PDE10A: variants seen among roughly 807,000 people sequenced by gnomAD.
The protein encoded by PDE10A is cAMP and cAMP-inhibited cGMP 3',5'-cyclic phosphodiesterase 10A.
Under a neutral mutation model 97.7 loss-of-function variants are expected in PDE10A, and 39 were observed. That is an observed-to-expected ratio of 0.40 (90% CI 0.31 to 0.52). The LOEUF is 0.52. Ranked by LOEUF, PDE10A falls within the 20% of genes least tolerant of loss-of-function variation. PDE10A has a pLI of 0.56. For synonymous variants in PDE10A, 371 were observed against 376.8 expected, an observed-to-expected ratio of 0.98 and a Z score of 0.18; for missense variants, 731 against 1,047.8, an observed-to-expected ratio of 0.70 and a Z score of 4.17.
chr6:165,731,680 C>A (rs1017980755), intron 1 of PDE10A, among the ~76,000 whole-genome samples: 9 of 152,142 alleles, frequency 5.9e-5, no homozygotes, highest in Non-Finnish European at 1.2e-4. Flanking sequence ...GGGAGACATT[C>A]CATAGGGTTG....
intron 17 of PDE10A, among the ~76,000 whole-genome samples, chr6:165,380,296 T>C (rs768580098): frequency 6.6e-6 from 1 of 152,168 alleles, no homozygotes; most frequent in Non-Finnish European, 1.5e-5. Context: ...TTCACTTTTC[T>C]TAATATACAT....
chr6:165,355,304 C>A lies in PDE10A; in HGVS notation c.2784-11802G>T, dbSNP rs181915610. ...ATATATGCAGTCTGTAATGACCACA[C>A]CAATGATGACAAGTAATGTTTTTAT... On this transcript the variant is annotated intron_variant, in intron 18 of 21. Transcript: ENST00000539869. Among the ~76,000 whole-genome samples the A allele has an allele frequency of 2.6e-5, 4 of 152,208 alleles. No homozygotes were observed. In the East Asian group the frequency reaches 7.7e-4, roughly 29 times the overall value.
intron 2 of PDE10A, among the ~76,000 whole-genome samples, chr6:165,493,924 T>C (rs187901369): frequency 5.3e-5 from 8 of 151,314 alleles, no homozygotes; most frequent in Non-Finnish European, 1.0e-4. Context: ...TCTATATATC[T>C]GAGAAAGGAC....
chr6:165,552,503 A>C (rs1387159501), intron 1 of PDE10A, among the ~76,000 whole-genome samples: 1 of 152,208 alleles, frequency 6.6e-6, no homozygotes, highest in Non-Finnish European at 1.5e-5. Flanking sequence ...AAAAGTTTAG[A>C]ACATGCCAGG....
At chr6:165,878,756 G>T (rs1252950631) in intron 1 of PDE10A, among the ~76,000 whole-genome samples, 1 of 152,154 alleles carries the variant, frequency 6.6e-6, no homozygotes, top group East Asian at 1.9e-4. Context: ...CTTATAAGAA[G>T]GGTCACATCG....
intron 1 of PDE10A, among the ~76,000 whole-genome samples, chr6:165,600,831 T>C (rs1208382739): frequency 1.3e-5 from 2 of 151,688 alleles, no homozygotes; most frequent in African/African-American, 4.9e-5. Flanking sequence ...GACATGATTG[T>C]ATCAAGTCAG....
At chr6:165,400,031 G>C (rs1003094959) in intron 13 of PDE10A, among the ~76,000 whole-genome samples, 2 of 152,244 alleles carry the variant, frequency 1.3e-5, no homozygotes, top group African/African-American at 4.8e-5. Context: ...CCACACAGAC[G>C]GTCAGCTGAT....
intron 1 of PDE10A, among the ~76,000 whole-genome samples, chr6:165,843,545 T>G (rs1780319864): frequency 1.3e-5 from 2 of 152,226 alleles, no homozygotes; most frequent in African/African-American, 2.4e-5. Flanking sequence ...TGAGGCCTGC[T>G]GGCTGCGTCC....
At chr6:165,379,989 A>G (rs1300942919) in intron 17 of PDE10A, among the ~76,000 whole-genome samples, 1 of 152,198 alleles carries the variant, frequency 6.6e-6, no homozygotes, top group Admixed American at 6.5e-5. Flanking sequence ...ACCATCTTCT[A>G]TTCCCAAGGG....
At chr6:165,911,648 G>A (rs1782457310) in intron 1 of PDE10A, among the ~76,000 whole-genome samples, 1 of 152,174 alleles carries the variant, frequency 6.6e-6, no homozygotes, top group Non-Finnish European at 1.5e-5. Context: ...TCCATTCCCT[G>A]ACATCAGCAT....
At chr6:165,547,135 T>C (rs928016070) in intron 1 of PDE10A, among the ~76,000 whole-genome samples, 2 of 152,148 alleles carry the variant, frequency 1.3e-5, no homozygotes, top group Non-Finnish European at 2.9e-5. Flanking sequence ...TCCAAAGCAA[T>C]TGTGTATATT....
At chr6:165,590,887 T>C (rs1394819711) in intron 1 of PDE10A, among the ~76,000 whole-genome samples, 4 of 152,020 alleles carry the variant, frequency 2.6e-5, no homozygotes, top group South Asian at 2.1e-4. Context: ...CGAGACTCTG[T>C]CTCAAAAATA....
chr6:165,836,819 C>A (rs1018394759), intron 1 of PDE10A, among the ~76,000 whole-genome samples: 21 of 152,006 alleles, frequency 1.4e-4, no homozygotes, highest in Non-Finnish European at 2.8e-4. Context: ...CAATGATAGA[C>A]TGGATTAAGA....
chr6:165,817,641 G>C (rs754793339), intron 1 of PDE10A, among the ~76,000 whole-genome samples: 1 of 152,184 alleles, frequency 6.6e-6, no homozygotes, highest in Non-Finnish European at 1.5e-5. Flanking sequence ...ACAGAGCCCG[G>C]CTCAGTCCCT....
chr6:165,737,668 T>A (rs1185946171), intron 1 of PDE10A, among the ~76,000 whole-genome samples: 2 of 152,160 alleles, frequency 1.3e-5, no homozygotes, highest in African/African-American at 2.4e-5. Context: ...GAAATGTACC[T>A]CAACAAAATA....
At chr6:165,416,551 A>G (rs1395602244) in intron 11 of PDE10A, among the ~76,000 whole-genome samples, 1 of 152,218 alleles carries the variant, frequency 6.6e-6, no homozygotes, top group African/African-American at 2.4e-5. Flanking sequence ...TCTGAACAAT[A>G]ATAATCCCTT....
chr6:165,596,725 T>TCA (rs753377916), intron 1 of PDE10A, among the ~76,000 whole-genome samples: 1 of 151,950 alleles, frequency 6.6e-6, no homozygotes, highest in South Asian at 2.1e-4. Context: ...TGAGACCATG[T>TCA]CACACACACA....
chr6:165,858,034 G>C (rs568824827), intron 1 of PDE10A, among the ~76,000 whole-genome samples: 1 of 152,296 alleles, frequency 6.6e-6, no homozygotes, highest in South Asian at 2.1e-4. Flanking sequence ...AACATAGAAT[G>C]CAAGTAATGT....
At chr6:165,367,351 G>C (rs1783845920) in intron 18 of PDE10A, among the ~76,000 whole-genome samples, 1 of 151,524 alleles carries the variant, frequency 6.6e-6, no homozygotes, top group Non-Finnish European at 1.5e-5. Context: ...AGTGAGATTA[G>C]ACAGATCACA....
Sources: gnomAD v4.1 joint callset for allele counts (sites outside exome capture counted in the v4.1 genomes callset) on GRCh38, gnomAD v4.1.1 for gene constraint, MANE v1.5 for transcripts, NCBI Gene and HGNC (gene_info 2026-07-23, HGNC 2026-07-21) for gene names.